TMEM132B: variants seen among roughly 807,000 people sequenced by gnomAD.
TMEM132B encodes the protein transmembrane protein 132B.
Under a neutral mutation model 90.8 loss-of-function variants are expected in TMEM132B, and 18 were observed. The observed-to-expected ratio is 0.20, with a 90% CI of 0.14 to 0.29. The LOEUF (loss-of-function observed/expected upper bound fraction) is 0.29, where lower values mean the gene tolerates loss of function less well. Ranked by LOEUF, TMEM132B falls within the 10% of genes least tolerant of loss-of-function variation. TMEM132B has a pLI of 1.00. For missense variants in TMEM132B, 1,096 were observed against 1,326.8 expected, an observed-to-expected ratio of 0.83 and a Z score of 2.70; for synonymous variants, 504 against 523.3, an observed-to-expected ratio of 0.96 and a Z score of 0.50.
chr12:125,377,962 G>T lies in TMEM132B; in HGVS notation c.959+27619G>T, dbSNP rs542302914. Among the ~76,000 whole-genome samples the T allele has an allele frequency of 1.6e-3, 240 of 152,284 alleles. 2 individuals carry two copies. The highest frequency in any genetic ancestry group is 2.7e-3 in the Non-Finnish European group (181 of 68,030). On this transcript the variant is annotated intron_variant, in intron 2 of 8. Transcript: ENST00000682704. ...GGTCAGATGAGTTCATGTGAAGGGG[G>T]TTTCAAGAATGTTTTGAAAGCTAGG...
intron 1 of TMEM132B, among the ~76,000 whole-genome samples, chr12:125,227,875 C>T (rs999736174): frequency 1.3e-5 from 2 of 152,194 alleles, no homozygotes; most frequent in Non-Finnish European, 2.9e-5. Context: ...CAAAGTGAAT[C>T]TCCACACTGT....
intron 2 of TMEM132B, among the ~76,000 whole-genome samples, chr12:125,400,817 T>C (rs752646679): frequency 1.3e-5 from 2 of 152,190 alleles, no homozygotes; most frequent in African/African-American, 4.8e-5. Context: ...TGGGCTTATC[T>C]CAGAAAGGGT....
intron 5 of TMEM132B, among the ~76,000 whole-genome samples, chr12:125,624,769 G>T (rs764482481): frequency 5.9e-5 from 9 of 152,096 alleles, no homozygotes; most frequent in Non-Finnish European, 1.3e-4. Context: ...AGCCATATCT[G>T]GTCAGAGCAA....
intron 4 of TMEM132B, among the ~76,000 whole-genome samples, chr12:125,571,206 C>T (rs2136828730): frequency 6.6e-6 from 1 of 152,274 alleles, no homozygotes; most frequent in African/African-American, 2.4e-5. Flanking sequence ...TGTTTTTGCT[C>T]CCATCCTGGC....
At chr12:125,527,860 A>C (rs1012159185) in intron 4 of TMEM132B, among the ~76,000 whole-genome samples, 2 of 152,248 alleles carry the variant, frequency 1.3e-5, no homozygotes, top group Admixed American at 1.3e-4. Context: ...CTGGATTCAT[A>C]ATTTTTTAGT....
chr12:125,559,651 G>T (rs749920556), intron 4 of TMEM132B, among the ~76,000 whole-genome samples: 1 of 152,084 alleles, frequency 6.6e-6, no homozygotes, highest in Non-Finnish European at 1.5e-5. Flanking sequence ...ACATGAAAGT[G>T]GTGTGAGCGG....
intron 1 of TMEM132B, among the ~76,000 whole-genome samples, chr12:125,278,633 C>T (rs560827619): frequency 1.4e-4 from 21 of 151,944 alleles, no homozygotes; most frequent in Admixed American, 5.9e-4. Context: ...TGGGAATGAG[C>T]GAGTGGGGTG....
In TMEM132B at chr12:125,407,599, C is replaced by T. The variant is rs184461581; in HGVS notation, c.960-7932C>T. Among the ~76,000 whole-genome samples the T allele has an allele frequency of 5.0e-3, 764 of 152,344 alleles. 3 individuals carry two copies. The highest frequency in any genetic ancestry group is 8.2e-3 in the Non-Finnish European group (555 of 68,036). ...CTTATCTACAGCAGCTAGAATGTCT[C>T]TCTCCCTGGTCCAACCAGGAGGGAT... On this transcript the variant is annotated intron_variant, in intron 2 of 8. Coordinates refer to ENST00000682704, the MANE Select transcript of TMEM132B (RefSeq NM_001366854.1). The surrounding 1 kb of genome is among the most constrained non-coding windows in gnomAD (Gnocchi z 6.7).
chr12:125,618,644 T>G (rs2136963664), intron 5 of TMEM132B, among the ~76,000 whole-genome samples: 1 of 152,344 alleles, frequency 6.6e-6, no homozygotes, highest in East Asian at 1.9e-4. Context: ...GGTTTCCATT[T>G]AAATGGTTAA....
intron 5 of TMEM132B, among the ~76,000 whole-genome samples, chr12:125,621,190 A>G (rs1886103611): frequency 6.6e-6 from 1 of 152,186 alleles, no homozygotes; most frequent in Non-Finnish European, 1.5e-5. Context: ...CATGGGTAAA[A>G]TGTAAAAGTA....
chr12:125,411,290 C>G (rs1471948905), intron 2 of TMEM132B, among the ~76,000 whole-genome samples: 1 of 144,200 alleles, frequency 6.9e-6, no homozygotes, highest in Non-Finnish European at 1.5e-5. Context: ...TGTTCTCACT[C>G]GTAAGTGGGA....
chr12:125,568,125 CAT>C (rs761943567), intron 4 of TMEM132B, among the ~76,000 whole-genome samples: 65 of 152,288 alleles, frequency 4.3e-4, no homozygotes, highest in African/African-American at 1.3e-3. Context: ...TTTGTTTAAA[CAT>C]GTGTGTTTTG....
chr12:125,440,507 C>CTGAG (rs1475268519), intron 3 of TMEM132B, among the ~76,000 whole-genome samples: 2 of 152,168 alleles, frequency 1.3e-5, no homozygotes, highest in Non-Finnish European at 2.9e-5. Context: ...CATTTTGATG[C>CTGAG]TGAGTGACTC....
intron 3 of TMEM132B, among the ~76,000 whole-genome samples, chr12:125,494,890 A>G (rs1178600470): frequency 3.9e-5 from 2 of 50,866 alleles, no homozygotes; most frequent in Non-Finnish European, 7.2e-5. Flanking sequence ...CTGGAAAAGG[A>G]TGCGTCCCTC....
chr12:125,363,364 C>T lies in TMEM132B; in HGVS notation c.959+13021C>T, dbSNP rs111825973. On this transcript the variant is annotated intron_variant, in intron 2 of 8. Transcript: ENST00000682704. ...TGGGTACAGTGGTGTGTTAGCACAG[C>T]GGTAAAGAAGGAAGCTGCCTGGATC... is the stretch of plus-strand genomic sequence containing the variant. Among the ~76,000 whole-genome samples the T allele has an allele frequency of 6.6e-5, 10 of 152,164 alleles. 1 individual carries two copies. The highest frequency in any genetic ancestry group is 1.9e-4 in the East Asian group (1 of 5,182).
At chr12:125,258,864 G>C (rs1243387732) in intron 1 of TMEM132B, among the ~76,000 whole-genome samples, 2 of 152,184 alleles carry the variant, frequency 1.3e-5, no homozygotes, top group Admixed American at 6.5e-5. Flanking sequence ...CTCTCTGCAA[G>C]GTGTCATTTA....
intron 2 of TMEM132B, among the ~76,000 whole-genome samples, chr12:125,387,452 C>G (rs145484982): frequency 2.3e-4 from 35 of 152,326 alleles, no homozygotes; most frequent in Admixed American, 3.9e-4. Context: ...CCAACTGGAG[C>G]TTGGTCTTCT....
intron 1 of TMEM132B, among the ~76,000 whole-genome samples, chr12:125,244,638 C>T (rs900883656): frequency 3.9e-5 from 6 of 152,208 alleles, no homozygotes; most frequent in East Asian, 1.9e-4. Context: ...GAAGTGGTTC[C>T]GACTGTGCTG....
intron 1 of TMEM132B, among the ~76,000 whole-genome samples, chr12:125,348,518 A>G (rs1279221779): frequency 1.4e-4 from 18 of 128,196 alleles, no homozygotes; most frequent in Admixed American, 1.2e-3. Flanking sequence ...TTTTTTTTGT[A>G]GAGACAGGGT....
Sources: gnomAD v4.1 joint callset for allele counts (sites outside exome capture counted in the v4.1 genomes callset) on GRCh38, gnomAD v4.1.1 for gene constraint, Gnocchi (gnomAD v3.1) non-coding constraint, MANE v1.5 for transcripts, NCBI Gene and HGNC (gene_info 2026-07-23, HGNC 2026-07-21) for gene names.